The following ZBTB4 variants were observed in gnomAD, a reference collection of about 807,000 sequenced individuals.
The protein encoded by ZBTB4 is zinc finger and BTB domain-containing protein 4.
Under a neutral mutation model 59.8 loss-of-function variants are expected in ZBTB4, and 14 were observed. That is an observed-to-expected ratio of 0.23 (90% CI 0.15 to 0.37). The LOEUF is 0.37. Ranked by LOEUF, ZBTB4 falls within the 10% of genes least tolerant of loss-of-function variation. The pLI, the probability that ZBTB4 is intolerant of heterozygous loss-of-function variation, is 1.00. For synonymous variants in ZBTB4, 587 were observed against 575.2 expected, an observed-to-expected ratio of 1.02 and a Z score of -0.29; for missense variants, 1,198 against 1,380.8, an observed-to-expected ratio of 0.87 and a Z score of 2.10.
chr17:7,468,865 G>A (rs531366871), intron 1 of ZBTB4, among the ~76,000 whole-genome samples: 1 of 152,174 alleles, frequency 6.6e-6, no homozygotes, highest in African/African-American at 2.4e-5. Context: ...CTCCTGGATG[G>A]GAAGAAGGAA....
rs2069987675 is a variant in ZBTB4 at position 7,459,461 on chromosome 17, T to C, written c.*2479A>G. 6.6e-6 allele frequency: 1 copy of C among 152,594 alleles called. No homozygotes were observed. Among genetic ancestry groups the C allele is most frequent in the South Asian group, 2.1e-4 (1 of 4,832 alleles). The allele number at this position is 152,594 out of a possible 1,614,324, so 9.5% of individuals were successfully genotyped here. On this transcript the variant is annotated 3_prime_UTR_variant, in exon 4 of 4. Transcript: ENST00000380599. Reference sequence around the variant, plus strand: ...ATAAATATTGGTCAGTTTCTCTAAATCTGGGTCCTCACTACGTATAGAGCT... The same window carrying C: ...ATAAATATTGGTCAGTTTCTCTAAACCTGGGTCCTCACTACGTATAGAGCT...
chr17:7,483,700 G>A (rs1327685981), upstream of ZBTB4, among the ~76,000 whole-genome samples: 1 of 152,178 alleles, frequency 6.6e-6, no homozygotes, highest in Admixed American at 6.5e-5. Context: ...GCTTTTCTCG[G>A]ATTGTCGCGG....
rs1431794962 is a variant in ZBTB4 at position 7,465,942 on chromosome 17, G to C, written c.860C>G (p.Pro287Arg). ...GPAGVDASAL[P>R]PPVGFRGGPE... is the part of the protein sequence containing the mutation. Reference sequence around the variant, plus strand: ...GCCCCCTCGGAAGCCCACTGGTGGAGGCAGGGCTGAGGCGTCCACCCCTGC... The same window carrying C: ...GCCCCCTCGGAAGCCCACTGGTGGACGCAGGGCTGAGGCGTCCACCCCTGC... Residue 287 changes from proline to arginine, a missense_variant, in exon 3 of 4, where the codon CCT (proline) becomes CGT (arginine). Pro to Arg is a moderately radical substitution (Grantham distance 103, BLOSUM62 -2). Coordinates refer to ENST00000380599, the MANE Select transcript of ZBTB4 (RefSeq NM_001128833.2). The C allele has an allele frequency of 2.5e-6, 4 of 1,607,646 alleles. No individual in the cohort carries two copies. Among genetic ancestry groups the C allele is most frequent in the Non-Finnish European group, 2.6e-6 (3 of 1,175,792 alleles).
At chr17:7,469,406 C>T (rs559120885) in intron 1 of ZBTB4, among the ~76,000 whole-genome samples, 8 of 151,626 alleles carry the variant, frequency 5.3e-5, no homozygotes, top group East Asian at 2.0e-4. Context: ...GACCTTGTGA[C>T]CTGCCTACCT....
chr17:7,474,065 T>C (rs2070235438), intron 1 of ZBTB4, among the ~76,000 whole-genome samples: 1 of 151,950 alleles, frequency 6.6e-6, no homozygotes, highest in African/African-American at 2.4e-5. Context: ...TACAGGCATA[T>C]GCCACCACAC....
At chr17:7,477,736 G>A (rs2070288543) in intron 1 of ZBTB4, among the ~76,000 whole-genome samples, 1 of 152,174 alleles carries the variant, frequency 6.6e-6, no homozygotes, top group African/African-American at 2.4e-5. Flanking sequence ...GAGGGAGAGG[G>A]TGAAGCAGGA....
intron 1 of ZBTB4, among the ~76,000 whole-genome samples, chr17:7,472,007 C>G (rs2070203699): frequency 6.6e-6 from 1 of 152,132 alleles, no homozygotes; most frequent in Non-Finnish European, 1.5e-5. Context: ...CGCCCTACAT[C>G]TTGCGGTTCC....
upstream of ZBTB4, chr17:7,482,651 G>C: frequency 6.2e-7 from 1 of 1,612,060 alleles, no homozygotes; most frequent in Non-Finnish European, 8.5e-7. Flanking sequence ...CCCAACAGTG[G>C]CCTTCCTATC....
intron 1 of ZBTB4, 28 bp from the exon 2 acceptor site, chr17:7,467,355 G>GGAAC (rs1315149040): frequency 1.5e-6 from 1 of 684,662 alleles, no homozygotes; most frequent in Non-Finnish European, 1.8e-6. Context: ...TTATGTCAGG[G>GGAAC]GAACCTAGAG....
upstream of ZBTB4, chr17:7,481,424 AC>A: frequency 7.3e-7 from 1 of 1,373,888 alleles, no homozygotes; most frequent in Non-Finnish European, 9.4e-7. Context: ...CCAGGGAAGA[AC>A]CCCACCCCCA....
At position 7,462,150 on chromosome 17, in the gene ZBTB4, G is replaced by T; in HGVS notation, c.2832C>A (p.Leu944=). 1 of 1,613,906 alleles carries T rather than the reference G, an allele frequency of 6.2e-7. No homozygotes were observed. The highest frequency in any genetic ancestry group is 8.5e-7 in the Non-Finnish European group (1 of 1,179,900). The change falls in exon 4 of 4, where the codon CTC becomes CTA. Residue 944 remains leucine (L), a synonymous_variant. Transcript: ENST00000380599. This position sits in a 1 kb window ranked among gnomAD's most constrained non-coding sequence, Gnocchi z 7.5. The stretch of plus-strand genomic sequence containing the variant: ...GTAGGACCATGTTGAGAGCAACCGG[G>T]AGAGCGGCCAAGTTACTGAAGTTGT... ...YPYNFSNLAA[L]PVALNMVLPD...
chr17:7,464,667 GTC>G (rs2070086659), intron 3 of ZBTB4, among the ~76,000 whole-genome samples: 1 of 151,788 alleles, frequency 6.6e-6, no homozygotes, highest in African/African-American at 2.4e-5. Context: ...GTGAAACCCT[GTC>G]TCTACTAAAA....
chr17:7,470,758 G>T (rs1597774490), intron 1 of ZBTB4, among the ~76,000 whole-genome samples: 1 of 152,150 alleles, frequency 6.6e-6, no homozygotes, highest in Admixed American at 6.6e-5. Context: ...GCCCAAGGAC[G>T]TATGACCAGC....
chr17:7,461,744 C>T lies in ZBTB4; in HGVS notation c.*196G>A. The T allele has an allele frequency of 2.1e-6, 1 of 470,078 alleles. No individual in the cohort carries two copies. The highest frequency in any genetic ancestry group is 3.7e-6 in the Non-Finnish European group (1 of 268,182). The allele number at this position is 470,078 out of a possible 1,614,324, so 29.1% of individuals were successfully genotyped here. The stretch of plus-strand genomic sequence containing the variant: ...CCTGGAGGAAGACTGAGAGGGGAAC[C>T]TCGAAAGATCCCTTCCCAGGAGATG... On this transcript the variant is annotated 3_prime_UTR_variant, in exon 4 of 4. Transcript: ENST00000380599.
rs199509690 is a variant in ZBTB4, at chr17:7,462,372, T to A, written c.2610A>T (p.Pro870=). The change falls in exon 4 of 4, where the codon CCA becomes CCT. Residue 870 remains proline (P), a synonymous_variant. Coordinates refer to ENST00000380599, the MANE Select transcript of ZBTB4 (RefSeq NM_001128833.2). The surrounding 1 kb of genome is among the most constrained non-coding windows in gnomAD (Gnocchi z 7.5). The part of the protein sequence containing the change: ...VVASGGSYVY[P]PVQEFPLALI... The stretch of plus-strand genomic sequence containing the variant: ...AGGCCAGTGGAAATTCCTGCACAGG[T>A]GGGTATACATAGCTGCCCCCGCTTG... The A allele has an allele frequency of 1.0e-4, 165 of 1,613,492 alleles. No individual in the cohort carries two copies. Among genetic ancestry groups the A allele is most frequent in the Non-Finnish European group, 1.3e-4 (151 of 1,179,906 alleles).
chr17:7,476,670 G>T (rs188535441), intron 1 of ZBTB4, among the ~76,000 whole-genome samples: 160 of 152,268 alleles, frequency 1.1e-3, no homozygotes, highest in Admixed American at 1.6e-3. Context: ...CTGATCCACA[G>T]GATGAGAACG....
intron 1 of ZBTB4, among the ~76,000 whole-genome samples, chr17:7,470,764 C>T (rs1225284809): frequency 6.6e-6 from 1 of 152,120 alleles, no homozygotes; most frequent in African/African-American, 2.4e-5. Flanking sequence ...GGACGTATGA[C>T]CAGCTAGTAG....
At position 7,465,998 on chromosome 17, in the gene ZBTB4, C is replaced by A. The variant is rs1373366072; in HGVS notation, c.804G>T (p.Leu268=). The change falls in exon 3 of 4, where the codon CTG becomes CTT. Residue 268 remains leucine (L), a synonymous_variant. Coordinates refer to ENST00000380599, the MANE Select transcript of ZBTB4 (RefSeq NM_001128833.2). ...RGASTRGSTG[L]GAGGAGPGGP... ...CACCAGGGCCAGCGCCCCCAGCTCCCAGCCCTGTAGACCCCCGCGTGCTGG... is the reference window on the plus strand; with the variant it reads ...CACCAGGGCCAGCGCCCCCAGCTCCAAGCCCTGTAGACCCCCGCGTGCTGG... 1.2e-6 allele frequency: 2 copies of A among 1,605,664 alleles called. No homozygotes were observed. Among genetic ancestry groups the A allele is most frequent in the African/African-American group, 2.7e-5 (2 of 74,782 alleles).
At chr17:7,470,393 G>A (rs2070183066) in intron 1 of ZBTB4, among the ~76,000 whole-genome samples, 1 of 151,076 alleles carries the variant, frequency 6.6e-6, no homozygotes, top group Non-Finnish European at 1.5e-5. Context: ...ACAAGACCCT[G>A]CCTCAAAAAA....
Sources: allele counts gnomAD v4.1 joint callset (sites outside exome capture counted in the v4.1 genomes callset), GRCh38; gene constraint gnomAD v4.1.1; non-coding constraint Gnocchi (gnomAD v3.1); transcripts MANE v1.5; gene names NCBI Gene and HGNC (gene_info 2026-07-23, HGNC 2026-07-21).